The following TRAPPC9 variants were observed in gnomAD, a reference collection of about 807,000 sequenced individuals.
TRAPPC9 encodes the protein trafficking protein particle complex subunit 9, also known as IKK2 binding protein.
TRAPPC9 carries 83 observed loss-of-function variants against 124.0 expected under a neutral mutation model. The ratio of observed to expected loss-of-function variants is 0.67; its 90% confidence interval spans 0.56 to 0.80. TRAPPC9 has a LOEUF of 0.80. Among genes scored for constraint, TRAPPC9 ranks in the 30% least tolerant of loss-of-function variants. The pLI is 0.00. For missense variants in TRAPPC9, 1,302 were observed against 1,508.3 expected (o/e 0.86, Z 2.27); for synonymous variants, 638 against 617.5 (o/e 1.03, Z -0.49).
At chr8:140,318,963 G>A (rs1454543703) in intron 9 of TRAPPC9, among the ~76,000 whole-genome samples, 1 of 152,134 alleles carries the variant, frequency 6.6e-6, no homozygotes, top group Non-Finnish European at 1.5e-5. Flanking sequence ...GGCCGTGGTG[G>A]CTGCTGATGT....
rs555742211 is a variant in TRAPPC9, at chr8:140,216,830, C to T, written c.2556+4629G>A. 2.9e-4 allele frequency among the ~76,000 whole-genome samples: 44 copies of T among 152,348 alleles called. No homozygotes were observed. The highest frequency in any genetic ancestry group is 1.1e-3 in the African/African-American group (44 of 41,580). On this transcript the variant is annotated intron_variant, in intron 17 of 22. Coordinates refer to ENST00000438773, the MANE Select transcript of TRAPPC9 (RefSeq NM_001160372.4). The surrounding 1 kb of genome is among the most constrained non-coding windows in gnomAD (Gnocchi z 4.1). ...CAGGCCTTCCTCGACTTCCTCCGTG[C>T]AGCCATAGCAACGAGGATCACCTGT...
At chr8:140,213,033 C>CA (rs1299524967) in intron 17 of TRAPPC9, among the ~76,000 whole-genome samples, 1 of 150,102 alleles carries the variant, frequency 6.7e-6, no homozygotes, top group Non-Finnish European at 1.5e-5. Context: ...CGTGCCACTG[C>CA]ACCACTCTAG....
chr8:140,190,098 TCTGG>T (rs2062452685), intron 17 of TRAPPC9, among the ~76,000 whole-genome samples: 1 of 152,126 alleles, frequency 6.6e-6, no homozygotes, highest in African/African-American at 2.4e-5. Context: ...TACCAGGAGC[TCTGG>T]TCGGAAACCA....
In TRAPPC9 at chr8:139,864,876, G is replaced by A. The variant is rs552488490; in HGVS notation, c.3055+21003C>T. Among the ~76,000 whole-genome samples, 55 of 152,314 alleles carry A rather than the reference G, an allele frequency of 3.6e-4. No homozygotes were observed. The South Asian group carries it at 8.7e-3, about 24-fold the overall frequency. On this transcript the variant is annotated intron_variant, in intron 21 of 22. Transcript: ENST00000438773. ...GCACCGATGTGGACACATCCCAGTC[G>A]AAAGCATCCTAAGATGAGGAGAATA...
At chr8:140,052,718 G>T (rs1405789379) in intron 17 of TRAPPC9, among the ~76,000 whole-genome samples, 3 of 151,770 alleles carry the variant, frequency 2.0e-5, no homozygotes, top group Admixed American at 2.0e-4. Flanking sequence ...GGAAGCAGAG[G>T]TTGCAGTGAG....
chr8:140,235,516 C>G (rs1393672515), intron 16 of TRAPPC9, among the ~76,000 whole-genome samples: 1 of 152,068 alleles, frequency 6.6e-6, no homozygotes, highest in African/African-American at 2.4e-5. Context: ...AAGTATATAT[C>G]CAAATAATAA....
At chr8:139,830,311 C>A (rs777083339) in intron 21 of TRAPPC9, among the ~76,000 whole-genome samples, 4 of 146,982 alleles carry the variant, frequency 2.7e-5, no homozygotes, top group Non-Finnish European at 5.9e-5. Context: ...ACTACACATG[C>A]ACACACATGC....
At chr8:140,396,537 C>A (rs1336494986) in intron 7 of TRAPPC9, among the ~76,000 whole-genome samples, 1 of 151,350 alleles carries the variant, frequency 6.6e-6, no homozygotes, top group African/African-American at 2.4e-5. Flanking sequence ...CCTCCCTACC[C>A]CTCTCTTCCT....
At chr8:139,890,471 G>A (rs1016122896) in intron 20 of TRAPPC9, among the ~76,000 whole-genome samples, 1 of 152,366 alleles carries the variant, frequency 6.6e-6, no homozygotes, top group African/African-American at 2.4e-5. Flanking sequence ...GACTTGAGGT[G>A]AAACCAGGTT....
Position 139,731,242 on chromosome 8 carries a change from A to T in TRAPPC9, c.3280-14T>A, listed in dbSNP as rs978431323. On this transcript the variant is annotated splice_polypyrimidine_tract_variant and intron_variant, in intron 22 of 22. Coordinates refer to ENST00000438773, the MANE Select transcript of TRAPPC9 (RefSeq NM_001160372.4). ...GGACGGCTGCACCTGAGCAGGGAGG[A>T]GAAAGACACATCAGTCTGGTCAGCA... is the stretch of plus-strand genomic sequence containing the variant. 1 of 1,612,780 alleles carries T rather than the reference A, an allele frequency of 6.2e-7. No individual in the cohort carries two copies. The highest frequency in any genetic ancestry group is 8.5e-7 in the Non-Finnish European group (1 of 1,179,758).
chr8:140,161,774 C>A (rs2061755614), intron 17 of TRAPPC9, among the ~76,000 whole-genome samples: 1 of 151,980 alleles, frequency 6.6e-6, no homozygotes, highest in Non-Finnish European at 1.5e-5. Context: ...AATGGCTCAG[C>A]AACTAGATTT....
rs751130350 is a variant in TRAPPC9, at chr8:140,157,105, C to CTTTTCCATTCAGAAGCCTCCCT, written c.2556+64353_2556+64354insAGGGAGGCTTCTGAATGGAAAA. On this transcript the variant is annotated intron_variant, in intron 17 of 22. Coordinates refer to ENST00000438773, the MANE Select transcript of TRAPPC9 (RefSeq NM_001160372.4). ...CTCCCTTTTCCATTCAGAAGCCTCC[C>CTTTTCCATTCAGAAGCCTCCCT]TTTCCATTCAGAAGCCTCCCTTTTC... is the stretch of plus-strand genomic sequence containing the variant. Among the ~76,000 whole-genome samples the CTTTTCCATTCAGAAGCCTCCCT allele has an allele frequency of 4.4e-5, 4 of 91,200 alleles. 1 individual carries two copies. Among genetic ancestry groups the CTTTTCCATTCAGAAGCCTCCCT allele is most frequent in the African/African-American group, 1.4e-4 (3 of 21,684 alleles). 59.8% of individuals were successfully genotyped at this position (91,200 alleles called of 152,430 possible).
chr8:139,817,520 G>A lies in TRAPPC9; in HGVS notation c.3055+68359C>T, dbSNP rs555893559. Among the ~76,000 whole-genome samples the A allele has an allele frequency of 6.6e-5, 10 of 152,250 alleles. No individual in the cohort carries two copies. The East Asian group carries it at 1.7e-3, about 26-fold the overall frequency. ...TGGATCGTCCTCACGGCCCTCAATC[G>A]AGCAGCCGCAGCGTGCCCTCCTGGT... On this transcript the variant is annotated intron_variant, in intron 21 of 22. Transcript: ENST00000438773.
At chr8:139,836,925 C>G (rs1356474657) in intron 21 of TRAPPC9, among the ~76,000 whole-genome samples, 1 of 151,754 alleles carries the variant, frequency 6.6e-6, no homozygotes, top group African/African-American at 2.4e-5. Flanking sequence ...CTCCTTCTGT[C>G]TCTGTGGGTT....
chr8:140,269,565 T>C (rs2064811905), intron 15 of TRAPPC9, among the ~76,000 whole-genome samples: 1 of 148,610 alleles, frequency 6.7e-6, no homozygotes, highest in South Asian at 2.1e-4. Context: ...AATAAATAAA[T>C]AAATAAATAA....
At chr8:140,372,880 T>G (rs773720354) in intron 7 of TRAPPC9, among the ~76,000 whole-genome samples, 2 of 152,224 alleles carry the variant, frequency 1.3e-5, no homozygotes, top group African/African-American at 2.4e-5. Context: ...TGTGGCATTT[T>G]GTGACAGCAG....
intron 17 of TRAPPC9, among the ~76,000 whole-genome samples, chr8:140,046,503 G>A (rs1841605668): frequency 6.6e-6 from 1 of 152,212 alleles, no homozygotes; most frequent in Non-Finnish European, 1.5e-5. Context: ...TGGCTAGAAG[G>A]TAGGAGGTTC....
chr8:140,361,827 G>A (rs768936276), intron 8 of TRAPPC9, among the ~76,000 whole-genome samples: 2 of 152,178 alleles, frequency 1.3e-5, no homozygotes, highest in Non-Finnish European at 2.9e-5. Flanking sequence ...AGGGCCTGAC[G>A]TGAGACTGGG....
intron 17 of TRAPPC9, among the ~76,000 whole-genome samples, chr8:140,072,067 T>C (rs1843187135): frequency 1.3e-5 from 2 of 152,174 alleles, no homozygotes; most frequent in African/African-American, 4.8e-5. Context: ...GGGGCCAGGG[T>C]TGCCTACAAG....
Sources: gnomAD v4.1 joint callset for allele counts (sites outside exome capture counted in the v4.1 genomes callset) on GRCh38, gnomAD v4.1.1 for gene constraint, Gnocchi (gnomAD v3.1) non-coding constraint, MANE v1.5 for transcripts, NCBI Gene and HGNC (gene_info 2026-07-23, HGNC 2026-07-21) for gene names.